SLC10A7: variants seen among roughly 807,000 people sequenced by gnomAD.
SLC10A7 encodes the protein solute carrier family 10 member 7, also known as sodium/bile acid cotransporter 7.
In SLC10A7, 29 loss-of-function variants were observed where a neutral mutation model predicts 43.2. That is an observed-to-expected ratio of 0.67 (90% CI 0.50 to 0.92). SLC10A7 has a LOEUF of 0.92. SLC10A7 is among the 40% of genes least tolerant of loss of function. The pLI is 0.00. For missense variants in SLC10A7, 295 were observed against 403.2 expected (o/e 0.73, Z 2.30); for synonymous variants, 152 against 144.8 (o/e 1.05, Z -0.35).
At chr4:146,521,586 C>G in intron 1 of SLC10A7, 32 bp downstream of exon 1, 1 of 1,573,688 alleles carries the variant, frequency 6.4e-7, no homozygotes, top group Non-Finnish European at 8.7e-7. Flanking sequence ...AAGTGGGAGC[C>G]GCGGTGGAGC....
intron 5 of SLC10A7, among the ~76,000 whole-genome samples, chr4:146,389,464 G>A (rs1738259044): frequency 6.6e-6 from 1 of 152,320 alleles, no homozygotes; most frequent in East Asian, 1.9e-4. Context: ...ACCAGATCTT[G>A]GATTTGCAGC....
intron 2 of SLC10A7, among the ~76,000 whole-genome samples, chr4:146,515,842 G>A (rs1280510564): frequency 3.4e-5 from 5 of 147,314 alleles, no homozygotes; most frequent in South Asian, 2.2e-4. Context: ...CCCGGGAGGC[G>A]GAGGTTGCAG....
chr4:146,273,473 C>T (rs951592236), intron 10 of SLC10A7, among the ~76,000 whole-genome samples: 1 of 152,098 alleles, frequency 6.6e-6, no homozygotes, highest in Non-Finnish European at 1.5e-5. Context: ...CCCTCAGTTT[C>T]CACATCTGAC....
intron 5 of SLC10A7, among the ~76,000 whole-genome samples, chr4:146,404,153 G>T (rs1419609682): frequency 6.6e-6 from 1 of 151,986 alleles, no homozygotes; most frequent in East Asian, 1.9e-4. Context: ...ACTAACTGGG[G>T]TGACGAGAGC....
chr4:146,329,151 A>G (rs1045608981), intron 5 of SLC10A7, among the ~76,000 whole-genome samples: 2 of 152,200 alleles, frequency 1.3e-5, no homozygotes, highest in African/African-American at 4.8e-5. Context: ...CAAAATAGTA[A>G]AAGTTTCCTA....
At chr4:146,517,015 A>T (rs186714078) in intron 2 of SLC10A7, 23 bp downstream of exon 2, 2 of 1,528,800 alleles carry the variant, frequency 1.3e-6, no homozygotes, top group African/African-American at 2.8e-5. Context: ...CCTGCTTTTC[A>T]TGTGTCCCAT....
intron 5 of SLC10A7, among the ~76,000 whole-genome samples, chr4:146,329,522 G>C (rs1175623915): frequency 6.6e-6 from 1 of 152,178 alleles, no homozygotes; most frequent in East Asian, 1.9e-4. Context: ...GAGACTGAGT[G>C]AAGTAGGAAG....
At chr4:146,415,737 T>C (rs1728512871) in intron 5 of SLC10A7, among the ~76,000 whole-genome samples, 1 of 152,232 alleles carries the variant, frequency 6.6e-6, no homozygotes. Flanking sequence ...GCAGAGTTCA[T>C]CTGTAATTAA....
At chr4:146,350,234 C>A (rs1382533266) in intron 5 of SLC10A7, among the ~76,000 whole-genome samples, 2 of 151,096 alleles carry the variant, frequency 1.3e-5, no homozygotes, top group African/African-American at 4.9e-5. Flanking sequence ...CGCAAGGGGT[C>A]AGGGAGTTCC....
intron 5 of SLC10A7, among the ~76,000 whole-genome samples, chr4:146,326,734 G>C (rs1194150122): frequency 6.6e-6 from 1 of 152,128 alleles, no homozygotes; most frequent in Non-Finnish European, 1.5e-5. Context: ...GTAATGACAG[G>C]CTTCAGTTTT....
intron 5 of SLC10A7, among the ~76,000 whole-genome samples, chr4:146,405,450 T>C (rs563278996): frequency 1.3e-5 from 2 of 152,218 alleles, no homozygotes; most frequent in East Asian, 3.9e-4. Context: ...GTCAGAGAAA[T>C]GATGAAAAGG....
chr4:146,294,097 T>C lies in SLC10A7; in HGVS notation c.556-2A>G. ...ATCCTTGATGTATCTTCGGACAATC[T>C]GAAATACAGAGATCAACAGGTTGCC... is the stretch of plus-strand genomic sequence containing the variant. On this transcript the variant is annotated splice_acceptor_variant, in intron 7 of 11. Coordinates refer to ENST00000335472, the MANE Select transcript of SLC10A7 (RefSeq NM_001029998.6). LOFTEE classifies it high-confidence loss of function. The C allele has an allele frequency of 6.3e-7, 1 of 1,578,538 alleles. No individual in the cohort carries two copies. Among genetic ancestry groups the C allele is most frequent in the Non-Finnish European group, 8.6e-7 (1 of 1,157,448 alleles).
At chr4:146,363,338 T>C (rs555498268) in intron 5 of SLC10A7, among the ~76,000 whole-genome samples, 41 of 152,136 alleles carry the variant, frequency 2.7e-4, no homozygotes, top group Non-Finnish European at 5.2e-4. Context: ...GTATATGCAC[T>C]CAATGCAGCA....
chr4:146,514,853 A>G, intron 2 of SLC10A7: 2 of 395,856 alleles, frequency 5.1e-6, no homozygotes, highest in East Asian at 4.0e-5. Context: ...ATATTACACA[A>G]TGATACAATC....
chr4:146,261,909 G>A (rs890723599), intron 10 of SLC10A7, among the ~76,000 whole-genome samples: 2 of 152,136 alleles, frequency 1.3e-5, no homozygotes, highest in Non-Finnish European at 2.9e-5. Flanking sequence ...CCAGCGACTC[G>A]AGTCATATGT....
At chr4:146,269,524 C>A (rs749675185) in intron 10 of SLC10A7, among the ~76,000 whole-genome samples, 1 of 152,204 alleles carries the variant, frequency 6.6e-6, no homozygotes, top group Non-Finnish European at 1.5e-5. Flanking sequence ...AATGTTCACA[C>A]TCACAGGATG....
intron 5 of SLC10A7, among the ~76,000 whole-genome samples, chr4:146,366,603 A>T (rs951121099): frequency 3.3e-5 from 5 of 152,202 alleles, no homozygotes; most frequent in Non-Finnish European, 7.4e-5. Flanking sequence ...TTGGTCATCG[A>T]CATTATTATA....
chr4:146,415,278 C>A (rs1238743957), intron 5 of SLC10A7, among the ~76,000 whole-genome samples: 1 of 152,180 alleles, frequency 6.6e-6, no homozygotes, highest in African/African-American at 2.4e-5. Flanking sequence ...ATAGTGGGAA[C>A]TGGATTCTGG....
At chr4:146,372,284 T>C (rs1736843920) in intron 5 of SLC10A7, among the ~76,000 whole-genome samples, 1 of 151,772 alleles carries the variant, frequency 6.6e-6, no homozygotes, top group Non-Finnish European at 1.5e-5. Context: ...AGACACCCCA[T>C]CTCTACAAAA....
Sources: gnomAD v4.1 joint callset for allele counts (sites outside exome capture counted in the v4.1 genomes callset) on GRCh38, gnomAD v4.1.1 for gene constraint, MANE v1.5 for transcripts, NCBI Gene and HGNC (gene_info 2026-07-23, HGNC 2026-07-21) for gene names.